Variants in PTGER3 observed in about 807,000 individuals in gnomAD.
The protein encoded by PTGER3 is prostaglandin E receptor 3.
In PTGER3, 22 loss-of-function variants were observed where a neutral mutation model predicts 34.7. The observed-to-expected ratio is 0.63, with a 90% CI of 0.45 to 0.91. The LOEUF is 0.91. Ranked by LOEUF, PTGER3 falls within the 40% of genes least tolerant of loss-of-function variation. The probability of loss-of-function intolerance (pLI) is 0.00; values close to 1 mark genes in which losing one functional copy is unlikely to be tolerated. For missense variants in PTGER3, 468 were observed against 519.4 expected, an observed-to-expected ratio of 0.90 and a Z score of 0.96; for synonymous variants, 241 against 230.1, an observed-to-expected ratio of 1.05 and a Z score of -0.43.
chr1:70,898,154 C>A (rs1224788695), intron 4 of PTGER3, among the ~76,000 whole-genome samples: 2 of 152,142 alleles, frequency 1.3e-5, no homozygotes, highest in Non-Finnish European at 2.9e-5. Flanking sequence ...TGCCCAGCAT[C>A]CTCATGTGAG....
intron 4 of PTGER3, among the ~76,000 whole-genome samples, chr1:70,912,393 A>G (rs1267583805): frequency 2.6e-5 from 4 of 152,098 alleles, no homozygotes; most frequent in Admixed American, 2.6e-4. Flanking sequence ...ATATATGTTT[A>G]TATTTGTTAT....
chr1:70,862,309 G>T, intron 4 of PTGER3: 1 of 1,351,648 alleles, frequency 7.4e-7, no homozygotes, highest in African/African-American at 1.5e-5. Flanking sequence ...ACTTACATCT[G>T]CTGTCAAAAT....
intron 4 of PTGER3, among the ~76,000 whole-genome samples, chr1:70,856,640 G>T (rs576968207): frequency 6.6e-6 from 1 of 152,022 alleles, no homozygotes; most frequent in East Asian, 1.9e-4. Flanking sequence ...AGGTTAGAAG[G>T]TGTTTCAGAA....
chr1:70,969,044 T>C (rs1475995619), downstream of PTGER3, among the ~76,000 whole-genome samples: 1 of 151,878 alleles, frequency 6.6e-6, no homozygotes, highest in Non-Finnish European at 1.5e-5. Context: ...CCGTCTCTAC[T>C]AAAAGTACAA....
At chr1:70,891,434 G>T (rs1646614858) in intron 4 of PTGER3, among the ~76,000 whole-genome samples, 1 of 151,822 alleles carries the variant, frequency 6.6e-6, no homozygotes, top group Non-Finnish European at 1.5e-5. Context: ...AACTTTAAAG[G>T]CTCAACACTC....
chr1:70,903,230 G>A (rs1048960913), intron 4 of PTGER3, among the ~76,000 whole-genome samples: 16 of 152,148 alleles, frequency 1.1e-4, no homozygotes, highest in African/African-American at 3.9e-4. Context: ...GCCTTCAGAA[G>A]GGATGTGACC....
At chr1:70,890,877 C>T (rs967159173) in intron 4 of PTGER3, among the ~76,000 whole-genome samples, 6 of 152,180 alleles carry the variant, frequency 3.9e-5, no homozygotes, top group Non-Finnish European at 8.8e-5. Flanking sequence ...GAGTTACCTG[C>T]AGGAGAACCC....
chr1:70,973,221 TGATAGATAGATAGATAGATA>T (rs72155144), intron 3 of PTGER3, among the ~76,000 whole-genome samples: 276 of 137,676 alleles, frequency 2.0e-3, no homozygotes, highest in Middle Eastern at 0.011. Flanking sequence ...GATAGATAGA[TGATAGATAGATAGATAGATA>T]GATAGATAGA....
intron 2 of PTGER3, among the ~76,000 whole-genome samples, chr1:70,984,791 G>A (rs1654753295): frequency 6.6e-6 from 1 of 151,948 alleles, no homozygotes; most frequent in South Asian, 2.1e-4. Context: ...CATCTTAGTT[G>A]ATAATTTAAA....
intron 1 of PTGER3, among the ~76,000 whole-genome samples, chr1:71,023,438 G>C (rs1247851736): frequency 6.6e-6 from 1 of 151,714 alleles, no homozygotes; most frequent in Admixed American, 6.6e-5. Context: ...ATCTTAGAGA[G>C]CCTCCTCTTC....
chr1:70,995,342 A>G (rs1655836770), intron 2 of PTGER3, among the ~76,000 whole-genome samples: 1 of 152,194 alleles, frequency 6.6e-6, no homozygotes, highest in Admixed American at 6.5e-5. Context: ...GCTTTGAACA[A>G]GTTAAAGCTT....
intron 2 of PTGER3, among the ~76,000 whole-genome samples, chr1:70,985,937 T>C (rs1349702051): frequency 1.3e-5 from 2 of 152,118 alleles, no homozygotes; most frequent in Non-Finnish European, 2.9e-5. Context: ...TGGGCTGCAT[T>C]CCCAGATGGT....
At chr1:71,002,604 G>A (rs936228212) in intron 2 of PTGER3, among the ~76,000 whole-genome samples, 2 of 152,142 alleles carry the variant, frequency 1.3e-5, no homozygotes, top group African/African-American at 4.8e-5. Context: ...TATTCAAAAC[G>A]GTCATGGTGT....
rs57699821 is a variant in PTGER3 at position 71,030,475 on chromosome 1, T to C, written c.897+16206A>G. On this transcript the variant is annotated intron_variant, in intron 1 of 3. Coordinates refer to ENST00000306666, the MANE Select transcript of PTGER3 (RefSeq NM_198719.2). ...GAATTCAATATACAGTTTTATTTGTTTTATAAATAGTTTAGTGAAAAGAAT... is the reference window on the plus strand; with the variant it reads ...GAATTCAATATACAGTTTTATTTGTCTTATAAATAGTTTAGTGAAAAGAAT... Among the ~76,000 whole-genome samples, 666 of 152,324 alleles carry C rather than the reference T, an allele frequency of 4.4e-3. 9 individuals carry two copies. The highest frequency in any genetic ancestry group is 0.015 in the African/African-American group (628 of 41,576).
At chr1:70,955,561 C>T (rs1254013237) in intron 2 of PTGER3, among the ~76,000 whole-genome samples, 1 of 152,028 alleles carries the variant, frequency 6.6e-6, no homozygotes, top group East Asian at 1.9e-4. Flanking sequence ...CTAAGAAAAA[C>T]AATACTAAAA....
chr1:70,873,996 C>T (rs1195982448), intron 4 of PTGER3, among the ~76,000 whole-genome samples: 1 of 152,116 alleles, frequency 6.6e-6, no homozygotes, highest in Non-Finnish European at 1.5e-5. Flanking sequence ...AAACATCTAG[C>T]TTCCAGATTT....
At chr1:70,880,186 C>T (rs984961349) in intron 4 of PTGER3, among the ~76,000 whole-genome samples, 2 of 152,026 alleles carry the variant, frequency 1.3e-5, no homozygotes, top group East Asian at 1.9e-4. Flanking sequence ...ATAGTGTCAA[C>T]GACCTATATG....
chr1:71,015,130 GA>G (rs760694835), intron 1 of PTGER3, among the ~76,000 whole-genome samples: 1 of 151,820 alleles, frequency 6.6e-6, no homozygotes, highest in Non-Finnish European at 1.5e-5. Flanking sequence ...TTCTACTTCT[GA>G]GACTTCCAAG....
intron 1 of PTGER3, among the ~76,000 whole-genome samples, chr1:71,023,481 T>C (rs1457985676): frequency 6.6e-6 from 1 of 151,938 alleles, no homozygotes; most frequent in Non-Finnish European, 1.5e-5. Context: ...GTGTGGTCTT[T>C]CATCTCAATG....
Sources: gnomAD v4.1 joint callset for allele counts (sites outside exome capture counted in the v4.1 genomes callset) on GRCh38, gnomAD v4.1.1 for gene constraint, MANE v1.5 for transcripts, NCBI Gene and HGNC (gene_info 2026-07-23, HGNC 2026-07-21) for gene names.